Variants in OAS3 observed in about 807,000 individuals in gnomAD.
The protein encoded by OAS3 is 2'-5'-oligoadenylate synthase 3.
OAS3 carries 107 observed loss-of-function variants against 113.0 expected under a neutral mutation model. The observed-to-expected ratio is 0.95, with a 90% CI of 0.81 to 1.11. The LOEUF is 1.11. Among genes scored for constraint, OAS3 ranks in the 50% most tolerant of loss-of-function variants. The pLI, the probability that OAS3 is intolerant of heterozygous loss-of-function variation, is 0.00. For missense variants in OAS3, 1,258 were observed against 1,389.1 expected, an observed-to-expected ratio of 0.91 and a Z score of 1.50; for synonymous variants, 552 against 573.6, an observed-to-expected ratio of 0.96 and a Z score of 0.54.
chr12:112,959,875 T>G (rs1244402960), intron 7 of OAS3, among the ~76,000 whole-genome samples: 1 of 152,186 alleles, frequency 6.6e-6, no homozygotes, highest in South Asian at 2.1e-4. Flanking sequence ...AGTTATTTGT[T>G]CATAGGCTTC....
rs368865706 is a variant in OAS3 at position 112,948,930 on chromosome 12, G to A, written c.1099G>A (p.Glu367Lys). Residue 367 changes from glutamate (E) to lysine (K), a missense_variant, in exon 6 of 16, where the codon GAA (glutamate) becomes AAA (lysine). By Grantham distance (56) the Glu-to-Lys change is moderately conservative (BLOSUM62 1). Coordinates refer to ENST00000228928, the MANE Select transcript of OAS3 (RefSeq NM_006187.4). The stretch of plus-strand genomic sequence containing the variant: ...GCTAGACCCTAACCAGAAGACCCCT[G>A]AAAACAGCAAGAGCCTCAATGCTGT... ...IQLDPNQKTP[E>K]NSKSLNAVYP... is the part of the protein sequence containing the mutation. 1.1e-5 allele frequency: 18 copies of A among 1,611,780 alleles called. No homozygotes were observed. In the African/African-American group the frequency reaches 2.0e-4, roughly 18 times the overall value.
At chr12:112,960,678 C>T (rs1015435093) in intron 7 of OAS3, among the ~76,000 whole-genome samples, 9 of 152,150 alleles carry the variant, frequency 5.9e-5, no homozygotes, top group Middle Eastern at 6.8e-3. Flanking sequence ...AAACTAGACC[C>T]GAAGAGGTAA....
Position 112,941,581 on chromosome 12 carries a change from G to C in OAS3, c.189G>C (p.Ser63=). The change falls in exon 2 of 16, where the codon TCG becomes TCC. Residue 63 remains serine (S), a synonymous_variant. Coordinates refer to ENST00000228928, the MANE Select transcript of OAS3 (RefSeq NM_006187.4). The stretch of plus-strand genomic sequence containing the variant: ...TTTTCTTTGCCCAGGGAGGCTCCTC[G>C]GGCCGGGGCACAGCTCTCAAGGGTG... ...RVLKTVKGGS[S]GRGTALKGGC... is the part of the protein sequence containing the mutation. 6.2e-7 allele frequency: 1 copy of C among 1,611,152 alleles called. No individual in the cohort carries two copies. Among genetic ancestry groups the C allele is most frequent in the Non-Finnish European group, 8.5e-7 (1 of 1,177,524 alleles).
intron 1 of OAS3, among the ~76,000 whole-genome samples, chr12:112,941,307 A>G (rs1211332854): frequency 6.6e-6 from 1 of 152,226 alleles, no homozygotes; most frequent in Admixed American, 6.5e-5. Context: ...TCAAGGCCGC[A>G]GTGAGCTATG....
intron 2 of OAS3, among the ~76,000 whole-genome samples, chr12:112,943,024 G>T (rs898005762): frequency 6.6e-6 from 1 of 151,720 alleles, no homozygotes; most frequent in African/African-American, 2.4e-5. Context: ...TGCAACCTCC[G>T]TCCTGGGTTC....
In OAS3 at chr12:112,969,744, T is replaced by A; in HGVS notation, c.3241T>A (p.Trp1081Arg). The change falls in exon 15 of 16, where the codon TGG (tryptophan) becomes AGG (arginine). Residue 1081 changes from tryptophan (W) to arginine (R), a missense_variant. Physicochemically the swap from Trp to Arg is moderately radical, Grantham distance 101. Coordinates refer to ENST00000228928, the MANE Select transcript of OAS3 (RefSeq NM_006187.4). ...ACGGAATGGCATCCCCATCCAGCCA[T>A]GGCCAGTGAAGGTGAGAGATCTGTG... ...MGRNGIPIQP[W>R]PVKAAV The A allele has an allele frequency of 6.2e-7, 1 of 1,612,980 alleles. No individual in the cohort carries two copies. Among genetic ancestry groups the A allele is most frequent in the Non-Finnish European group, 8.5e-7 (1 of 1,179,508 alleles).
At chr12:112,942,851 G>T (rs1353459969) in intron 2 of OAS3, among the ~76,000 whole-genome samples, 1 of 151,406 alleles carries the variant, frequency 6.6e-6, no homozygotes, top group Non-Finnish European at 1.5e-5. Context: ...TGATCTGGGG[G>T]ATAGCTTTAT....
rs1365331157 is a variant in OAS3 at position 112,949,341 on chromosome 12, T to C, written c.1374+136T>C. 4.5e-6 allele frequency: 3 copies of C among 665,026 alleles called. No homozygotes were observed. In the African/African-American group the frequency reaches 5.5e-5, roughly 12 times the overall value. 41.2% of individuals were successfully genotyped at this position (665,026 alleles called of 1,614,324 possible). On this transcript the variant is annotated intron_variant, in intron 6 of 15. Coordinates refer to ENST00000228928, the MANE Select transcript of OAS3 (RefSeq NM_006187.4). ...AGGAAGGATGATTTGCTGGCTTAAA[T>C]AAAATATATTTAAGTGCCAGCTTAG...
chr12:112,938,773 C>T (rs1006868141), intron 1 of OAS3, 66 bp downstream of exon 1: 34 of 1,262,194 alleles, frequency 2.7e-5, no homozygotes, highest in Non-Finnish European at 3.6e-5. Flanking sequence ...TTAAGCCTCA[C>T]ATAGGCTTAC....
chr12:112,953,094 C>A (rs1038249792), intron 7 of OAS3, among the ~76,000 whole-genome samples: 1 of 152,024 alleles, frequency 6.6e-6, no homozygotes, highest in Non-Finnish European at 1.5e-5. Context: ...CCCATTAACT[C>A]GTCATTTACA....
intron 9 of OAS3, 23 bp downstream of exon 9, chr12:112,962,925 C>T: frequency 6.2e-7 from 1 of 1,610,584 alleles, no homozygotes; most frequent in East Asian, 2.2e-5. Flanking sequence ...TTCCCTTTGC[C>T]TGGCTTCATT....
chr12:112,941,093 CAAG>C (rs1431084721), intron 1 of OAS3, among the ~76,000 whole-genome samples: 2 of 152,094 alleles, frequency 1.3e-5, no homozygotes, highest in South Asian at 2.1e-4. Context: ...GAGGCTGAGG[CAAG>C]AAGATCACTC....
At chr12:112,956,551 G>A (rs1198076930) in intron 7 of OAS3, among the ~76,000 whole-genome samples, 1 of 152,074 alleles carries the variant, frequency 6.6e-6, no homozygotes, top group Non-Finnish European at 1.5e-5. Flanking sequence ...TGTTCTCATT[G>A]GTTTCAAAGA....
rs2043817312 is a variant in OAS3, at chr12:112,954,517, T to C, written c.1657+3542T>C. 6.6e-6 allele frequency among the ~76,000 whole-genome samples: 1 copy of C among 152,132 alleles called. No homozygotes were observed. Among genetic ancestry groups the C allele is most frequent in the South Asian group, 2.1e-4 (1 of 4,826 alleles). ...TTCACCATGTTAGCCAGGATGGTCT[T>C]GATCTCCCGACCTCGTGATCCACCC... On this transcript the variant is annotated intron_variant, in intron 7 of 15. Transcript: ENST00000228928. The surrounding 1 kb of genome is among the most constrained non-coding windows in gnomAD (Gnocchi z 4.0).
intron 6 of OAS3, among the ~76,000 whole-genome samples, chr12:112,949,756 C>T (rs149628703): frequency 0.026 from 3,930 of 152,286 alleles, 46 homozygotes; most frequent in Non-Finnish European, 0.035. Flanking sequence ...CGGTGGCTCA[C>T]GCCTGTAATC....
chr12:112,955,988 C>G (rs188117190), intron 7 of OAS3, among the ~76,000 whole-genome samples: 42 of 152,242 alleles, frequency 2.8e-4, no homozygotes, highest in African/African-American at 8.7e-4. Context: ...GGTTGGTAGG[C>G]TATTAATTAT....
At chr12:112,955,994 A>G (rs1157815335) in intron 7 of OAS3, among the ~76,000 whole-genome samples, 1 of 152,206 alleles carries the variant, frequency 6.6e-6, no homozygotes, top group Admixed American at 6.5e-5. Flanking sequence ...TAGGCTATTA[A>G]TTATTGCCTC....
intron 2 of OAS3, 143 bp from the exon 3 acceptor site, chr12:112,944,333 C>T: frequency 1.2e-6 from 1 of 814,528 alleles, no homozygotes. Flanking sequence ...TTCCCAGTCC[C>T]CCGACTCCCA....
chr12:112,957,881 C>G (rs561904453), intron 7 of OAS3, among the ~76,000 whole-genome samples: 2 of 152,264 alleles, frequency 1.3e-5, no homozygotes, highest in Admixed American at 1.3e-4. Flanking sequence ...TAATGTTGGC[C>G]TGCCTTGCTA....
Sources: gnomAD v4.1 joint callset for allele counts (sites outside exome capture counted in the v4.1 genomes callset) on GRCh38, gnomAD v4.1.1 for gene constraint, Gnocchi (gnomAD v3.1) non-coding constraint, MANE v1.5 for transcripts, NCBI Gene and HGNC (gene_info 2026-07-23, HGNC 2026-07-21) for gene names.